LIPI: variants seen among roughly 807,000 people sequenced by gnomAD.
LIPI encodes lipase member I.
LIPI carries 59 observed loss-of-function variants against 50.6 expected under a neutral mutation model. The observed-to-expected ratio is 1.16, with a 90% CI of 0.94 to 1.45. The LOEUF (loss-of-function observed/expected upper bound fraction) is 1.45, where lower values mean the gene tolerates loss of function less well. Ranked by LOEUF, LIPI falls within the 40% of genes most tolerant of loss-of-function variation. The pLI is 0.00. For missense variants in LIPI, 586 were observed against 536.3 expected (o/e 1.09, Z -0.92); for synonymous variants, 203 against 178.2 (o/e 1.14, Z -1.11).
intron 3 of LIPI, among the ~76,000 whole-genome samples, chr21:14,182,254 G>A (rs2019299013): frequency 6.6e-6 from 1 of 152,136 alleles, no homozygotes; most frequent in African/African-American, 2.4e-5. Flanking sequence ...GGATTTATCT[G>A]TAGATAGACC....
At chr21:14,157,127 G>T (rs1433742058) in intron 7 of LIPI, among the ~76,000 whole-genome samples, 1 of 151,800 alleles carries the variant, frequency 6.6e-6, no homozygotes, top group African/African-American at 2.4e-5. Context: ...TTTCTCCTTG[G>T]TGCTCATCAT....
chr21:14,151,701 C>G (rs2018097219), intron 8 of LIPI, among the ~76,000 whole-genome samples: 1 of 152,014 alleles, frequency 6.6e-6, no homozygotes, highest in African/African-American at 2.4e-5. Flanking sequence ...AAATAATTTT[C>G]TAGTTTAAGA....
rs1327140576 is a variant in LIPI, at chr21:14,133,035, A to C, written c.1295+11588T>G. Among the ~76,000 whole-genome samples, 5 of 152,094 alleles carry C rather than the reference A, an allele frequency of 3.3e-5. No individual in the cohort carries two copies. In the East Asian group the frequency reaches 9.6e-4, roughly 29 times the overall value. On this transcript the variant is annotated intron_variant, in intron 9 of 9. Coordinates refer to ENST00000681601, the MANE Select transcript of LIPI (RefSeq NM_001302998.2). ...CTCACAACAACAACAACAACAAAAA[A>C]TGCCCAGGACCAGATGGATTCACAA...
chr21:14,205,751 GTTAA>G (rs2020208867), intron 1 of LIPI, among the ~76,000 whole-genome samples: 1 of 151,962 alleles, frequency 6.6e-6, no homozygotes, highest in African/African-American at 2.4e-5. Context: ...ATAGACTTCA[GTTAA>G]TTAAGAATAA....
intron 4 of LIPI, among the ~76,000 whole-genome samples, chr21:14,170,595 CAG>C (rs1211546838): frequency 6.6e-5 from 10 of 152,316 alleles, no homozygotes; most frequent in African/African-American, 2.2e-4. Flanking sequence ...AGCATAGAAA[CAG>C]AACCAAAGAC....
chr21:14,154,167 TA>T (rs76794953), intron 7 of LIPI, among the ~76,000 whole-genome samples: 1 of 150,960 alleles, frequency 6.6e-6, no homozygotes, highest in Non-Finnish European at 1.5e-5. Flanking sequence ...AATAACAATA[TA>T]AAAAAATAAA....
At chr21:14,144,903 A>G (rs2017848054) in intron 8 of LIPI, 104 bp from the exon 9 acceptor site, 2 of 715,772 alleles carry the variant, frequency 2.8e-6, no homozygotes, top group South Asian at 1.8e-5. Flanking sequence ...GAACAAAATT[A>G]TAGGGAAAAG....
In LIPI at chr21:14,183,801, G is replaced by A. The variant is rs558201897; in HGVS notation, c.542-1942C>T. On this transcript the variant is annotated intron_variant, in intron 3 of 9. Transcript: ENST00000681601. ...ATACCATCTCACACCAGTTAGAATG[G>A]CGATCATTAAAAAGTCAGGAAACAA... is the stretch of plus-strand genomic sequence containing the variant. Among the ~76,000 whole-genome samples, 781 of 152,234 alleles carry A rather than the reference G, an allele frequency of 5.1e-3. 5 individuals are homozygous for A. Among genetic ancestry groups the A allele is most frequent in the African/African-American group, 0.018 (741 of 41,536 alleles).
intron 9 of LIPI, among the ~76,000 whole-genome samples, chr21:14,112,873 ATTCTTTTAAAATG>A (rs2016471656): frequency 6.6e-6 from 1 of 152,196 alleles, no homozygotes; most frequent in African/African-American, 2.4e-5. Flanking sequence ...TATTCCTAAT[ATTCTTTTAAAATG>A]TTACTTGGAT....
chr21:14,168,102 A>C (rs571130933), intron 4 of LIPI, among the ~76,000 whole-genome samples: 1 of 152,340 alleles, frequency 6.6e-6, no homozygotes, highest in South Asian at 2.1e-4. Flanking sequence ...ATCAACTGGA[A>C]GAAAGGGTAT....
chr21:14,139,438 T>G (rs531151676), intron 9 of LIPI, among the ~76,000 whole-genome samples: 2 of 152,324 alleles, frequency 1.3e-5, no homozygotes, highest in African/African-American at 4.8e-5. Flanking sequence ...TTTTTAAAAT[T>G]GTTCCATGCC....
intron 9 of LIPI, among the ~76,000 whole-genome samples, chr21:14,129,055 G>A (rs2017180590): frequency 6.6e-6 from 1 of 151,926 alleles, no homozygotes; most frequent in African/African-American, 2.4e-5. Context: ...GAAGTATTTG[G>A]AATAAGGAAT....
rs563064700 is a variant in LIPI at position 14,117,656 on chromosome 21, C to T, written c.1296-8576G>A. Among the ~76,000 whole-genome samples, 13 of 152,254 alleles carry T rather than the reference C, an allele frequency of 8.5e-5. No individual in the cohort carries two copies. The South Asian group carries it at 2.7e-3, about 32-fold the overall frequency. ...GAGTTCTAAGAGAGGCCTTGTGAGG[C>T]TTACTGACTCTACACACCTTTTGAC... On this transcript the variant is annotated intron_variant, in intron 9 of 9. Transcript: ENST00000681601.
intron 1 of LIPI, among the ~76,000 whole-genome samples, chr21:14,197,702 A>G (rs1271153912): frequency 6.6e-6 from 1 of 152,174 alleles, no homozygotes; most frequent in African/African-American, 2.4e-5. Flanking sequence ...ATATTTCAGG[A>G]TATCATCCAG....
chr21:14,113,850 G>A (rs573973080), intron 9 of LIPI, among the ~76,000 whole-genome samples: 1 of 152,284 alleles, frequency 6.6e-6, no homozygotes, highest in East Asian at 1.9e-4. Context: ...CAGGGCAGAA[G>A]GAGAGAGAAT....
At chr21:14,206,922 A>G in intron 1 of LIPI, 3 of 1,593,618 alleles carry the variant, frequency 1.9e-6, no homozygotes, top group Non-Finnish European at 2.6e-6. Context: ...TTTGAGCAAC[A>G]TAAATAAGAC....
Position 14,200,751 on chromosome 21 carries a change from G to GA in LIPI, c.46+10048dup, listed in dbSNP as rs1043192765. ...ACCATTGAGAGTATTCACAGAATGA[G>GA]AAAAAAAAAACTATTTTAAAATTCA... On this transcript the variant is annotated intron_variant, in intron 1 of 9. Transcript: ENST00000681601. Among the ~76,000 whole-genome samples, 1,014 of 147,442 alleles carry GA rather than the reference G, an allele frequency of 6.9e-3. 11 individuals carry two copies. The highest frequency in any genetic ancestry group is 0.022 in the African/African-American group (902 of 40,264).
chr21:14,129,784 T>C (rs752012515), intron 9 of LIPI, among the ~76,000 whole-genome samples: 1 of 148,258 alleles, frequency 6.7e-6, no homozygotes, highest in African/African-American at 2.5e-5. Context: ...ATTTGTTCAA[T>C]AATGACTCTA....
intron 4 of LIPI, among the ~76,000 whole-genome samples, chr21:14,178,727 G>C (rs1477418050): frequency 6.6e-6 from 1 of 152,086 alleles, no homozygotes; most frequent in Non-Finnish European, 1.5e-5. Context: ...GTTGTCTATT[G>C]ACTGTTGTTT....
Sources: gnomAD v4.1 joint callset for allele counts (sites outside exome capture counted in the v4.1 genomes callset) on GRCh38, gnomAD v4.1.1 for gene constraint, MANE v1.5 for transcripts, NCBI Gene and HGNC (gene_info 2026-07-23, HGNC 2026-07-21) for gene names.